The following ESF1 variants were observed in gnomAD, a reference collection of about 807,000 sequenced individuals.
The protein encoded by ESF1 is ESF1 homolog.
A neutral mutation model predicts 92.0 loss-of-function variants in ESF1; 58 were observed. The observed-to-expected ratio is 0.63, with a 90% CI of 0.51 to 0.78. The LOEUF (loss-of-function observed/expected upper bound fraction) is 0.78. ESF1 is among the 30% of genes least tolerant of loss of function. ESF1 has a pLI of 0.00. For missense variants in ESF1, 922 were observed against 989.1 expected, an observed-to-expected ratio of 0.93 and a Z score of 0.91; for synonymous variants, 321 against 313.7, an observed-to-expected ratio of 1.02 and a Z score of -0.24.
At position 13,766,854 on chromosome 20, in the gene ESF1, T is replaced by C; in HGVS notation, c.1589A>G (p.Glu530Gly). The C allele has an allele frequency of 6.2e-7, 1 of 1,613,866 alleles. No individual in the cohort carries two copies. Among genetic ancestry groups the C allele is most frequent in the Non-Finnish European group, 8.5e-7 (1 of 1,179,904 alleles). The change falls in exon 8 of 14, where the codon GAG (glutamate) becomes GGG (glycine). Residue 530 changes from glutamate (E) to glycine (G), a missense_variant. Physicochemically the swap from Glu to Gly is moderately conservative, Grantham distance 98. Transcript: ENST00000617257. ...TMLNRKFKKE[E>G]LLDMDFQAYL... ...GGCTTGAAAATCCATGTCCAAAAGC[T>C]CTTCCTTTTTAAACTTCCTGTTGAG...
intron 11 of ESF1, among the ~76,000 whole-genome samples, chr20:13,719,963 C>A (rs186458203): frequency 6.6e-5 from 10 of 152,248 alleles, no homozygotes; most frequent in Admixed American, 2.6e-4. Context: ...CCAGGCAATA[C>A]CACCAGGTAA....
intron 13 of ESF1, among the ~76,000 whole-genome samples, chr20:13,716,347 A>C (rs2049824677): frequency 6.6e-6 from 1 of 152,174 alleles, no homozygotes; most frequent in Admixed American, 6.5e-5. Flanking sequence ...CAACTGAAAA[A>C]ACATGGCTTA....
chr20:13,759,752 G>C lies in ESF1; in HGVS notation c.1768C>G (p.Gln590Glu). 2 of 1,562,184 alleles carry C rather than the reference G, an allele frequency of 1.3e-6. No individual in the cohort carries two copies. The highest frequency in any genetic ancestry group is 1.4e-5 in the African/African-American group (1 of 70,604). The change falls in exon 9 of 14, where the codon CAA (glutamine) becomes GAA (glutamate). Residue 590 changes from glutamine to glutamate, a missense_variant. Coordinates refer to ENST00000617257, the MANE Select transcript of ESF1 (RefSeq NM_001276380.2). ...AKYRQLLQVI[Q>E]EKEKKGKEND... ...TCTTTGCCTTTCTTTTCTTTTTCTT[G>C]AATAACCTGCAAGAGCTGCCTGTAT...
At chr20:13,717,858 CT>C (rs369062079) in intron 12 of ESF1, among the ~76,000 whole-genome samples, 2 of 152,054 alleles carry the variant, frequency 1.3e-5, no homozygotes, top group African/African-American at 4.8e-5. Context: ...TCACTTTGTT[CT>C]TTTTGCGCAA....
chr20:13,783,305 G>A, intron 1 of ESF1, 122 bp from the exon 2 acceptor site: 1 of 800,116 alleles, frequency 1.2e-6, no homozygotes, highest in South Asian at 2.2e-5. Flanking sequence ...ATAAAATAGA[G>A]GTAACAAGTC....
chr20:13,756,584 A>G (rs960892857), intron 9 of ESF1, among the ~76,000 whole-genome samples: 9 of 152,192 alleles, frequency 5.9e-5, no homozygotes, highest in African/African-American at 2.2e-4. Flanking sequence ...ATAATTCAAA[A>G]TATGGAAAAA....
At chr20:13,742,137 CG>C (rs1568715535) in intron 9 of ESF1, among the ~76,000 whole-genome samples, 1 of 152,056 alleles carries the variant, frequency 6.6e-6, no homozygotes, top group Non-Finnish European at 1.5e-5. Flanking sequence ...GAGGCCAATA[CG>C]GGTGGATTAC....
chr20:13,756,673 C>T (rs1282555861), intron 9 of ESF1, among the ~76,000 whole-genome samples: 1 of 152,186 alleles, frequency 6.6e-6, no homozygotes, highest in African/African-American at 2.4e-5. Flanking sequence ...GTAGTTTTAA[C>T]AGCTTGTGAG....
chr20:13,743,233 A>T (rs1325609043), intron 9 of ESF1, among the ~76,000 whole-genome samples: 1 of 152,184 alleles, frequency 6.6e-6, no homozygotes, highest in African/African-American at 2.4e-5. Context: ...TATTTTAAAA[A>T]TGACAAGAGA....
chr20:13,720,735 TA>T (rs1442405944), intron 11 of ESF1, among the ~76,000 whole-genome samples: 1 of 152,204 alleles, frequency 6.6e-6, no homozygotes, highest in Non-Finnish European at 1.5e-5. Flanking sequence ...CATACAAAAG[TA>T]AAATGGCAAA....
At chr20:13,750,621 T>C (rs1336052459) in intron 9 of ESF1, among the ~76,000 whole-genome samples, 2 of 152,254 alleles carry the variant, frequency 1.3e-5, no homozygotes, top group South Asian at 2.1e-4. Context: ...ATTTTATCAG[T>C]ATTTCTGAGC....
chr20:13,727,127 C>G (rs1385431368), intron 11 of ESF1, among the ~76,000 whole-genome samples: 1 of 152,202 alleles, frequency 6.6e-6, no homozygotes, highest in Non-Finnish European at 1.5e-5. Context: ...TTTGACCAGA[C>G]TTCACATGCC....
intron 9 of ESF1, among the ~76,000 whole-genome samples, chr20:13,734,488 T>C (rs2049963553): frequency 6.6e-6 from 1 of 152,206 alleles, no homozygotes; most frequent in African/African-American, 2.4e-5. Context: ...AATGCTGCTA[T>C]TTGCTCTTAT....
At chr20:13,776,600 A>G (rs1979954853) in intron 2 of ESF1, among the ~76,000 whole-genome samples, 1 of 152,206 alleles carries the variant, frequency 6.6e-6, no homozygotes, top group African/African-American at 2.4e-5. Flanking sequence ...AACAGTTGGT[A>G]AAAGAGAAGC....
Position 13,759,790 on chromosome 20 carries a change from T to C in ESF1, c.1730A>G (p.Glu577Gly). The C allele has an allele frequency of 6.3e-7, 1 of 1,594,176 alleles. No homozygotes were observed. Among genetic ancestry groups the C allele is most frequent in the Non-Finnish European group, 8.5e-7 (1 of 1,174,792 alleles). Residue 577 changes from glutamate to glycine, a missense_variant, in exon 9 of 14, where the codon GAA (glutamate) becomes GGA (glycine). Coordinates refer to ENST00000617257, the MANE Select transcript of ESF1 (RefSeq NM_001276380.2). ...KTKKSQKDDE[E>G]QIAKYRQLLQ... ...GAGCTGCCTGTATTTAGCAATTTGT[T>C]CTTCATCATCCTTCTGACTTTTCTT...
At chr20:13,771,603 C>A (rs1329871742) in intron 5 of ESF1, 120 bp from the exon 6 acceptor site, 2 of 737,568 alleles carry the variant, frequency 2.7e-6, no homozygotes, top group Non-Finnish European at 4.4e-6. Context: ...ACCAAACCAT[C>A]TTTCCTTCAT....
intron 9 of ESF1, among the ~76,000 whole-genome samples, chr20:13,757,574 T>C (rs1978954587): frequency 6.6e-6 from 1 of 152,080 alleles, no homozygotes; most frequent in Non-Finnish European, 1.5e-5. Context: ...AATTTTTGTA[T>C]TTTTTTGTAG....
intron 1 of ESF1, 91 bp from the exon 2 acceptor site, chr20:13,783,274 T>C: frequency 2.1e-6 from 2 of 971,006 alleles, no homozygotes; most frequent in East Asian, 5.3e-5. Context: ...TCTAAGTTAA[T>C]ATATTCTAAG....
intron 2 of ESF1, among the ~76,000 whole-genome samples, chr20:13,780,807 T>C (rs955942187): frequency 6.6e-6 from 1 of 152,130 alleles, no homozygotes; most frequent in African/African-American, 2.4e-5. Context: ...CTGCTGGAGG[T>C]GACAAAAAAT....
Sources: allele counts gnomAD v4.1 joint callset (sites outside exome capture counted in the v4.1 genomes callset), GRCh38; gene constraint gnomAD v4.1.1; transcripts MANE v1.5; gene names NCBI Gene and HGNC (gene_info 2026-07-23, HGNC 2026-07-21).